AGBL1: variants seen among roughly 807,000 people sequenced by gnomAD.
AGBL1 encodes AGBL carboxypeptidase 1.
A neutral mutation model predicts 118.9 loss-of-function variants in AGBL1; 130 were observed. The observed-to-expected ratio is 1.09, with a 90% CI of 0.95 to 1.26. The LOEUF (loss-of-function observed/expected upper bound fraction) is 1.26. Ranked by LOEUF, AGBL1 falls within the 50% of genes most tolerant of loss-of-function variation. AGBL1 has a pLI of 0.00. For missense variants in AGBL1, 1,584 were observed against 1,298.1 expected, an observed-to-expected ratio of 1.22 and a Z score of -3.38; for synonymous variants, 555 against 478.9, an observed-to-expected ratio of 1.16 and a Z score of -2.08.
At position 86,829,910 on chromosome 15, in the gene AGBL1, G is replaced by A. The variant is rs369467629; in HGVS notation, c.3159-77177G>A. 4.9e-4 allele frequency among the ~76,000 whole-genome samples: 74 copies of A among 152,066 alleles called. 1 individual carries two copies. In the East Asian group the frequency reaches 0.013, roughly 27 times the overall value. ...TAGCACCCTGGCCTAAGGATTAAAC[G>A]CCCATAGTATACCACTTTTATTGCA... On this transcript the variant is annotated intron_variant, in intron 22 of 22. Transcript: ENST00000614907.
chr15:86,154,139 C>T (rs2077155635), intron 3 of AGBL1, among the ~76,000 whole-genome samples: 1 of 152,040 alleles, frequency 6.6e-6, no homozygotes, highest in South Asian at 2.1e-4. Context: ...AAAGGAACAA[C>T]TTTATTCCCA....
At chr15:86,849,517 C>CTTTTTTTTTTTT (rs68185029) in intron 22 of AGBL1, among the ~76,000 whole-genome samples, 4 of 136,794 alleles carry the variant, frequency 2.9e-5, no homozygotes, top group Admixed American at 7.6e-5. Context: ...TTCTTTCTTT[C>CTTTTTTTTTTTT]TTTTTTTTTT....
In AGBL1 at chr15:86,323,482, T is replaced by C. The variant is rs138560794; in HGVS notation, c.2374+28074T>C. ...TAAGCCTCAGTATTGTGCATTGTCA[T>C]GTTAAATAACTAAATATAAATGGTC... On this transcript the variant is annotated intron_variant, in intron 17 of 22. Coordinates refer to ENST00000614907, the MANE Select transcript of AGBL1 (RefSeq NM_001386094.1). Among the ~76,000 whole-genome samples, 735 of 152,272 alleles carry C rather than the reference T, an allele frequency of 4.8e-3. 3 individuals are homozygous for C. The highest frequency in any genetic ancestry group is 0.017 in the African/African-American group (704 of 41,566).
At chr15:86,315,574 C>G (rs572235138) in intron 17 of AGBL1, among the ~76,000 whole-genome samples, 1 of 151,668 alleles carries the variant, frequency 6.6e-6, no homozygotes, top group Non-Finnish European at 1.5e-5. Flanking sequence ...AAAAACTAGC[C>G]GAGTGAGGTG....
chr15:87,027,547 T>C (rs1567294065), intron 24 of AGBL1, among the ~76,000 whole-genome samples: 1 of 151,568 alleles, frequency 6.6e-6, no homozygotes, highest in African/African-American at 2.4e-5. Context: ...GTATATTTAT[T>C]ACATAAATCA....
At chr15:86,766,111 A>T (rs994538954) in intron 22 of AGBL1, among the ~76,000 whole-genome samples, 4 of 151,952 alleles carry the variant, frequency 2.6e-5, no homozygotes, top group African/African-American at 9.7e-5. Context: ...GCCCAGTGAG[A>T]TAGGTTACAG....
intron 22 of AGBL1, among the ~76,000 whole-genome samples, chr15:86,758,032 C>A (rs1007421522): frequency 3.3e-5 from 5 of 152,036 alleles, no homozygotes; most frequent in African/African-American, 1.2e-4. Flanking sequence ...TTATCAGGGC[C>A]TTTGAAGTTC....
intron 24 of AGBL1, among the ~76,000 whole-genome samples, chr15:87,012,184 C>T (rs1042681626): frequency 1.6e-5 from 2 of 127,234 alleles, no homozygotes; most frequent in Non-Finnish European, 3.3e-5. Flanking sequence ...TTTGTATATA[C>T]AAATTTATAC....
intron 23 of AGBL1, among the ~76,000 whole-genome samples, chr15:86,937,325 T>C (rs1401198924): frequency 6.6e-6 from 1 of 152,216 alleles, no homozygotes; most frequent in Non-Finnish European, 1.5e-5. Flanking sequence ...GGAATATAAA[T>C]CATTTTACTA....
intron 18 of AGBL1, among the ~76,000 whole-genome samples, chr15:86,522,368 G>C (rs1225544544): frequency 6.6e-6 from 1 of 152,116 alleles, no homozygotes; most frequent in Non-Finnish European, 1.5e-5. Context: ...TCTCTTCATT[G>C]GGGTGTTCTA....
intron 17 of AGBL1, among the ~76,000 whole-genome samples, chr15:86,346,936 G>T (rs1327943174): frequency 2.0e-5 from 3 of 152,114 alleles, no homozygotes; most frequent in Admixed American, 2.0e-4. Context: ...CAACTTGGAA[G>T]GCTATGAAAA....
At chr15:86,973,737 G>C (rs1438154213) in intron 23 of AGBL1, among the ~76,000 whole-genome samples, 1 of 151,548 alleles carries the variant, frequency 6.6e-6, no homozygotes, top group East Asian at 1.9e-4. Flanking sequence ...GCATTCTCTT[G>C]TGTTAAGAGA....
At chr15:86,828,548 G>A (rs2079063058) in intron 22 of AGBL1, among the ~76,000 whole-genome samples, 1 of 151,954 alleles carries the variant, frequency 6.6e-6, no homozygotes, top group African/African-American at 2.4e-5. Context: ...ATAGAGGAAG[G>A]GGCTACAAGC....
intron 21 of AGBL1, among the ~76,000 whole-genome samples, chr15:86,649,221 A>G (rs1043158356): frequency 6.6e-6 from 1 of 152,222 alleles, no homozygotes; most frequent in African/African-American, 2.4e-5. Context: ...AAGGCAGAGT[A>G]TATGGAAATA....
chr15:86,706,956 G>C (rs2086460784), intron 22 of AGBL1, among the ~76,000 whole-genome samples: 1 of 152,060 alleles, frequency 6.6e-6, no homozygotes, highest in African/African-American at 2.4e-5. Flanking sequence ...GGAAAACGTA[G>C]TCAAAAGGGA....
chr15:86,224,801 TG>T (rs2078333898), intron 5 of AGBL1, 112 bp from the exon 6 acceptor site: 2 of 949,560 alleles, frequency 2.1e-6, no homozygotes, highest in Non-Finnish European at 3.3e-6. Context: ...GCCTGCTACC[TG>T]GTTAATCATG....
At chr15:86,630,503 A>T (rs1188045273) in intron 21 of AGBL1, 1 of 152,240 alleles carries the variant, frequency 6.6e-6, no homozygotes, top group East Asian at 1.9e-4. Context: ...TTCTCAAAAC[A>T]TTAATCTTAT....
chr15:86,099,586 C>T (rs913650382), intron 1 of AGBL1, among the ~76,000 whole-genome samples: 3 of 150,076 alleles, frequency 2.0e-5, no homozygotes, highest in Admixed American at 2.0e-4. Context: ...GTTGCCCAGG[C>T]TGGAGTGCAG....
At chr15:86,374,440 G>A (rs75838882) in intron 17 of AGBL1, among the ~76,000 whole-genome samples, 6,508 of 152,256 alleles carry the variant, frequency 0.043, 284 homozygotes, top group East Asian at 0.21. Flanking sequence ...TGAGAACCAG[G>A]CAGCACCTTC....
Sources: allele counts gnomAD v4.1 joint callset (sites outside exome capture counted in the v4.1 genomes callset), GRCh38; gene constraint gnomAD v4.1.1; transcripts MANE v1.5; gene names NCBI Gene and HGNC (gene_info 2026-07-23, HGNC 2026-07-21).